The following JHY variants were observed in gnomAD, a reference collection of about 807,000 sequenced individuals.
The protein encoded by JHY is junctional cadherin complex regulator.
In JHY, 69 loss-of-function variants were observed where a neutral mutation model predicts 78.0. That is an observed-to-expected ratio of 0.88 (90% CI 0.73 to 1.08). JHY has a LOEUF of 1.08. JHY is among the 50% of genes least tolerant of loss of function. The probability of loss-of-function intolerance (pLI) is 0.00; values close to 1 mark genes in which losing one functional copy is unlikely to be tolerated. For synonymous variants in JHY, 368 were observed against 342.6 expected, an observed-to-expected ratio of 1.07 and a Z score of -0.82; for missense variants, 944 against 927.8, an observed-to-expected ratio of 1.02 and a Z score of -0.23.
At chr11:122,932,600 A>G (rs922466633) in intron 4 of JHY, among the ~76,000 whole-genome samples, 6 of 152,218 alleles carry the variant, frequency 3.9e-5, no homozygotes, top group African/African-American at 1.4e-4. Flanking sequence ...ATTGAAAAGA[A>G]TGACATTATC....
At chr11:122,906,321 T>C (rs1364538014) in intron 3 of JHY, among the ~76,000 whole-genome samples, 1 of 152,082 alleles carries the variant, frequency 6.6e-6, no homozygotes, top group African/African-American at 2.4e-5. Context: ...GGCGAGTAGC[T>C]GGGAACACAG....
chr11:122,925,492 A>G (rs1226496437), intron 4 of JHY, among the ~76,000 whole-genome samples: 1 of 152,196 alleles, frequency 6.6e-6, no homozygotes, highest in African/African-American at 2.4e-5. Flanking sequence ...ATTTAGCGTG[A>G]TGACATCCTT....
intron 8 of JHY, 65 bp downstream of exon 8, chr11:122,957,556 CTTTTT>C (rs374289526): frequency 6.7e-4 from 653 of 980,186 alleles, no homozygotes; most frequent in Middle Eastern, 1.1e-3. Context: ...TTTATTATCG[CTTTTT>C]TTTTTTTTTT....
rs375747352 is a variant in JHY, at chr11:122,956,582, T to C, written c.2010+6T>C. The C allele has an allele frequency of 8.1e-6, 13 of 1,611,988 alleles. No individual in the cohort carries two copies. In the African/African-American group the frequency reaches 1.5e-4, roughly 18 times the overall value. ...TTGAGTCCATCAGAGACAAAGTGAG[T>C]GAGATGCACATACAGTGTTTCCAGA... is the stretch of plus-strand genomic sequence containing the variant. On this transcript the variant is annotated splice_donor_region_variant and intron_variant, in intron 7 of 8. Transcript: ENST00000227349.
chr11:122,908,936 A>C (rs951563434), intron 3 of JHY, among the ~76,000 whole-genome samples: 10 of 152,234 alleles, frequency 6.6e-5, no homozygotes, highest in African/African-American at 2.2e-4. Context: ...ATTCCAAGGA[A>C]GAATACACAA....
At position 122,904,460 on chromosome 11, in the gene JHY, T is replaced by A. The variant is rs1591374534; in HGVS notation, c.864+16T>A. ...TCCAGAACAGGTACGTAGTGGCTAC[T>A]TTAAAATGTCTTCTGAAACATTAAA... On this transcript the variant is annotated intron_variant, in intron 3 of 8. Transcript: ENST00000227349. 6.3e-7 allele frequency: 1 copy of A among 1,587,152 alleles called. No individual in the cohort carries two copies. Among genetic ancestry groups the A allele is most frequent in the South Asian group, 1.1e-5 (1 of 87,950 alleles).
In JHY at chr11:122,898,125, G is replaced by A. The variant is rs140027993; in HGVS notation, c.345-5800G>A. ...ATTAGTTGATTACTGTATTACTGTTGGTGCATAAAGCCTGTCCTCCTCATT... is the reference window on the plus strand; with the variant it reads ...ATTAGTTGATTACTGTATTACTGTTAGTGCATAAAGCCTGTCCTCCTCATT... On this transcript the variant is annotated intron_variant, in intron 2 of 8. Coordinates refer to ENST00000227349, the MANE Select transcript of JHY (RefSeq NM_024806.4). The surrounding 1 kb of genome is among the most constrained non-coding windows in gnomAD (Gnocchi z 4.4). Among the ~76,000 whole-genome samples, 5 of 152,254 alleles carry A rather than the reference G, an allele frequency of 3.3e-5. No individual in the cohort carries two copies. The highest frequency in any genetic ancestry group is 1.2e-4 in the African/African-American group (5 of 41,536).
intron 8 of JHY, chr11:122,958,855 C>G (rs1393808339): frequency 1.0e-6 from 1 of 985,156 alleles, no homozygotes; most frequent in African/African-American, 1.7e-5. Flanking sequence ...TCTTTGGTCT[C>G]AAGCTGTAAC....
chr11:122,934,895 T>A lies in JHY; in HGVS notation c.1454T>A (p.Leu485Gln). The change falls in exon 5 of 9, where the codon CTA becomes CAA. Residue 485 changes from leucine to glutamine, a missense_variant. By Grantham distance (113) the Leu-to-Gln change is moderately radical (BLOSUM62 -2). Transcript: ENST00000227349. ...GAGAAAAGATTTTCATATCAGCAGC[T>A]ACACACCCTTTCTGACATGGATTTG... ...QEEKRFSYQQLHTLSDMDLNN... is the reference protein window; with the variant it reads ...QEEKRFSYQQQHTLSDMDLNN... The A allele has an allele frequency of 6.2e-7, 1 of 1,614,164 alleles. No individual in the cohort carries two copies.
rs1253971421 is a variant in JHY at position 122,923,970 on chromosome 11, C to T, written c.865-927C>T. Reference sequence around the variant, plus strand: ...GCCAGGCTAGTCTTGAACTCCTGCCCTCGTGATCCACCCACCTTGGCTTCC... The same window carrying T: ...GCCAGGCTAGTCTTGAACTCCTGCCTTCGTGATCCACCCACCTTGGCTTCC... On this transcript the variant is annotated intron_variant, in intron 3 of 8. Transcript: ENST00000227349. Among the ~76,000 whole-genome samples, 4 of 149,490 alleles carry T rather than the reference C, an allele frequency of 2.7e-5. No homozygotes were observed. The East Asian group carries it at 7.9e-4, about 29-fold the overall frequency.
At chr11:122,939,375 A>T (rs1863825089) in intron 5 of JHY, among the ~76,000 whole-genome samples, 1 of 152,106 alleles carries the variant, frequency 6.6e-6, no homozygotes, top group African/African-American at 2.4e-5. Flanking sequence ...CTTACAGCTC[A>T]TGAGCCTTAC....
At chr11:122,910,485 A>G (rs1042548393) in intron 3 of JHY, among the ~76,000 whole-genome samples, 3 of 151,836 alleles carry the variant, frequency 2.0e-5, no homozygotes, top group African/African-American at 7.3e-5. Context: ...AAAAAAAACC[A>G]AAAAACAGTG....
At chr11:122,940,393 T>C (rs1249830457) in intron 5 of JHY, among the ~76,000 whole-genome samples, 1 of 152,216 alleles carries the variant, frequency 6.6e-6, no homozygotes, top group Non-Finnish European at 1.5e-5. Flanking sequence ...TTCATTGTTT[T>C]CTATAACATT....
At chr11:122,948,732 A>G (rs1864020143) in intron 6 of JHY, among the ~76,000 whole-genome samples, 1 of 152,148 alleles carries the variant, frequency 6.6e-6, no homozygotes, top group Non-Finnish European at 1.5e-5. Flanking sequence ...GGGTCAGGCA[A>G]GGCTTCAGAA....
At chr11:122,932,398 A>T (rs1010958337) in intron 4 of JHY, among the ~76,000 whole-genome samples, 1 of 152,202 alleles carries the variant, frequency 6.6e-6, no homozygotes, top group African/African-American at 2.4e-5. Context: ...TGTGAACAGG[A>T]TTGTCAGCAG....
In JHY at chr11:122,935,061, C is replaced by T. The variant is rs374342666; in HGVS notation, c.1620C>T (p.Asn540=). 6.4e-7 allele frequency: 1 copy of T among 1,569,380 alleles called. No homozygotes were observed. The highest frequency in any genetic ancestry group is 1.4e-5 in the African/African-American group (1 of 72,558). Residue 540 remains asparagine, a synonymous_variant, in exon 5 of 9, where the codon AAC becomes AAT. Transcript: ENST00000227349. The surrounding 1 kb of genome is among the most constrained non-coding windows in gnomAD (Gnocchi z 4.5). ...CTTATACAGAGACAAAATACAGGAA[C>T]TTAGAAATGTTATGGTAAGAATTCC... The part of the protein sequence containing the change: ...KQPYTETKYR[N]LEMLWKFHSS...
At chr11:122,920,106 A>G (rs78098793) in intron 3 of JHY, among the ~76,000 whole-genome samples, 10,281 of 152,254 alleles carry the variant, frequency 0.068, 614 homozygotes, top group African/African-American at 0.15. Flanking sequence ...AAACACAGGC[A>G]GCAGCAGTGC....
chr11:122,923,591 G>A (rs538236259), intron 3 of JHY, among the ~76,000 whole-genome samples: 1 of 152,272 alleles, frequency 6.6e-6, no homozygotes, highest in South Asian at 2.1e-4. Context: ...ACTAATGGAG[G>A]CAATGAAGGG....
intron 5 of JHY, among the ~76,000 whole-genome samples, chr11:122,943,544 G>A (rs1472714874): frequency 6.6e-6 from 1 of 152,170 alleles, no homozygotes; most frequent in Non-Finnish European, 1.5e-5. Context: ...TGAAACTGGT[G>A]AGGTGGCATC....
Sources: allele counts gnomAD v4.1 joint callset (sites outside exome capture counted in the v4.1 genomes callset), GRCh38; gene constraint gnomAD v4.1.1; non-coding constraint Gnocchi (gnomAD v3.1); transcripts MANE v1.5; gene names NCBI Gene and HGNC (gene_info 2026-07-23, HGNC 2026-07-21).